BRINP1: variants seen among roughly 807,000 people sequenced by gnomAD.
BRINP1 encodes BMP/retinoic acid-inducible neural-specific protein 1.
Under a neutral mutation model 72.9 loss-of-function variants are expected in BRINP1, and 17 were observed. That is an observed-to-expected ratio of 0.23 (90% CI 0.16 to 0.35). The LOEUF is 0.35. BRINP1 is among the 10% of genes least tolerant of loss of function. The pLI is 1.00. For synonymous variants in BRINP1, 418 were observed against 378.5 expected (o/e 1.10, Z -1.21); for missense variants, 850 against 1,001.6 (o/e 0.85, Z 2.04).
intron 2 of BRINP1, among the ~76,000 whole-genome samples, chr9:119,298,103 T>G (rs1025082254): frequency 1.3e-5 from 2 of 152,246 alleles, no homozygotes; most frequent in Non-Finnish European, 2.9e-5. Context: ...TCTCCAATAT[T>G]ACAACTGCTG....
chr9:119,332,561 A>G (rs184482427), intron 1 of BRINP1, among the ~76,000 whole-genome samples: 1 of 152,308 alleles, frequency 6.6e-6, no homozygotes, highest in East Asian at 1.9e-4. Context: ...ATGGTGTGTC[A>G]GTTCTGAGCC....
chr9:119,220,637 G>T (rs1004654870), intron 5 of BRINP1, among the ~76,000 whole-genome samples: 3 of 152,206 alleles, frequency 2.0e-5, no homozygotes, highest in Non-Finnish European at 2.9e-5. Context: ...ATTCAAGAAC[G>T]GGAAAGAAAG....
intron 3 of BRINP1, among the ~76,000 whole-genome samples, chr9:119,242,786 G>A (rs577004613): frequency 1.6e-3 from 237 of 152,226 alleles, no homozygotes; most frequent in Middle Eastern, 3.4e-3. Context: ...AAATTTAGAT[G>A]CAAATATAAA....
chr9:119,367,221 G>GATATAT (rs6151155), intron 1 of BRINP1, among the ~76,000 whole-genome samples: 3,554 of 99,772 alleles, frequency 0.036, 321 homozygotes, highest in East Asian at 0.12. Flanking sequence ...GTGTGTGATT[G>GATATAT]ATATATATAT....
chr9:119,272,521 C>T (rs992916908), intron 2 of BRINP1, among the ~76,000 whole-genome samples: 10 of 152,272 alleles, frequency 6.6e-5, no homozygotes, highest in African/African-American at 1.4e-4. Flanking sequence ...TCCCCTAGAA[C>T]GCTGGGAAGA....
chr9:119,343,800 C>T (rs1200229194), intron 1 of BRINP1, among the ~76,000 whole-genome samples: 1 of 152,146 alleles, frequency 6.6e-6, no homozygotes, highest in African/African-American at 2.4e-5. Context: ...TGGTTGACCC[C>T]AACCCACCTA....
At chr9:119,334,185 T>C (rs912777338) in intron 1 of BRINP1, among the ~76,000 whole-genome samples, 3 of 152,212 alleles carry the variant, frequency 2.0e-5, no homozygotes, top group Non-Finnish European at 4.4e-5. Context: ...CTTGCCAGGA[T>C]GCCCCAAATG....
chr9:119,205,011 A>G (rs1036287452), intron 7 of BRINP1, among the ~76,000 whole-genome samples: 1 of 152,240 alleles, frequency 6.6e-6, no homozygotes, highest in African/African-American at 2.4e-5. Context: ...AAGCAGACAC[A>G]TTGAAACCAT....
chr9:119,182,401 C>T (rs1829567566), intron 7 of BRINP1, among the ~76,000 whole-genome samples: 1 of 152,184 alleles, frequency 6.6e-6, no homozygotes, highest in South Asian at 2.1e-4. Flanking sequence ...ATTTGCAATA[C>T]CTCTAGCTAA....
At chr9:119,238,524 G>T in intron 5 of BRINP1, 131 bp downstream of exon 5, 1 of 577,712 alleles carries the variant, frequency 1.7e-6, no homozygotes. Flanking sequence ...CATATTTGCA[G>T]TTTTCATTAG....
At chr9:119,362,219 T>C (rs1413526119) in intron 1 of BRINP1, among the ~76,000 whole-genome samples, 3 of 152,074 alleles carry the variant, frequency 2.0e-5, no homozygotes. Context: ...TAAAGATAGG[T>C]TCTTGAGGGG....
intron 1 of BRINP1, among the ~76,000 whole-genome samples, chr9:119,317,053 T>G (rs1453107857): frequency 6.6e-6 from 1 of 151,590 alleles, no homozygotes; most frequent in African/African-American, 2.4e-5. Context: ...ATCGCACCAC[T>G]GCACTCCAGC....
chr9:119,356,038 A>G (rs1403760507), intron 1 of BRINP1, among the ~76,000 whole-genome samples: 1 of 152,202 alleles, frequency 6.6e-6, no homozygotes. Flanking sequence ...AGATCGAGAT[A>G]GAGATCTAAC....
At chr9:119,355,545 G>A (rs1428662063) in intron 1 of BRINP1, among the ~76,000 whole-genome samples, 5 of 152,126 alleles carry the variant, frequency 3.3e-5, no homozygotes, top group East Asian at 1.9e-4. Context: ...TGGCTAACAT[G>A]GTAAAACCCC....
At chr9:119,176,141 G>A (rs971584807) in intron 7 of BRINP1, among the ~76,000 whole-genome samples, 1 of 152,164 alleles carries the variant, frequency 6.6e-6, no homozygotes, top group Non-Finnish European at 1.5e-5. Flanking sequence ...TTACAGACAT[G>A]GCAATGGAAG....
intron 1 of BRINP1, among the ~76,000 whole-genome samples, chr9:119,329,080 C>A (rs113638414): frequency 1.3e-5 from 2 of 152,194 alleles, no homozygotes; most frequent in Admixed American, 6.5e-5. Flanking sequence ...GAAACAGGCA[C>A]TACACAGGTG....
intron 7 of BRINP1, among the ~76,000 whole-genome samples, chr9:119,170,820 C>T (rs1365006715): frequency 7.0e-6 from 1 of 143,822 alleles, no homozygotes; most frequent in East Asian, 2.0e-4. Context: ...GAGTGGGGGC[C>T]AATATTCAAC....
intron 2 of BRINP1, among the ~76,000 whole-genome samples, chr9:119,306,651 C>G (rs1482204825): frequency 6.6e-6 from 1 of 152,152 alleles, no homozygotes; most frequent in Non-Finnish European, 1.5e-5. Flanking sequence ...ACAATGGAGG[C>G]TGAATATCTT....
At chr9:119,310,106 T>C (rs1020603104) in intron 2 of BRINP1, among the ~76,000 whole-genome samples, 42 of 152,144 alleles carry the variant, frequency 2.8e-4, no homozygotes, top group Admixed American at 6.5e-4. Flanking sequence ...ATTTCAGAGA[T>C]AAGAAGGACC....
Sources: allele counts gnomAD v4.1 joint callset (sites outside exome capture counted in the v4.1 genomes callset), GRCh38; gene constraint gnomAD v4.1.1; transcripts MANE v1.5; gene names NCBI Gene and HGNC (gene_info 2026-07-23, HGNC 2026-07-21).